ATRN: variants seen among roughly 807,000 people sequenced by gnomAD.
ATRN encodes attractin.
ATRN carries 54 observed loss-of-function variants against 178.7 expected under a neutral mutation model. The ratio of observed to expected loss-of-function variants is 0.30; its 90% CI spans 0.24 to 0.38. ATRN has a LOEUF of 0.38. Ranked by LOEUF, ATRN falls within the 10% of genes least tolerant of loss-of-function variation. The probability of loss-of-function intolerance (pLI) is 1.00; values close to 1 mark genes in which losing one functional copy is unlikely to be tolerated. For synonymous variants in ATRN, 636 were observed against 663.0 expected (o/e 0.96, Z 0.63); for missense variants, 1,443 against 1,815.1 (o/e 0.79, Z 3.73).
At chr20:3,485,610 G>GTTTTTTTTTTGTTTTTTTT (rs2084679875) in intron 1 of ATRN, among the ~76,000 whole-genome samples, 1 of 67,900 alleles carries the variant, frequency 1.5e-5, no homozygotes, top group African/African-American at 5.5e-5. Flanking sequence ...TTTTTTTGAG[G>GTTTTTTTTTTGTTTTTTTT]TTTTTTTTTT....
chr20:3,492,854 GGCGCGC>G (rs144765964), intron 1 of ATRN, among the ~76,000 whole-genome samples: 3 of 132,434 alleles, frequency 2.3e-5, no homozygotes, highest in African/African-American at 9.0e-5. Context: ...GAGAGAGAGA[GGCGCGC>G]GCGCGCGTGC....
intron 6 of ATRN, among the ~76,000 whole-genome samples, chr20:3,549,932 G>A (rs2085762911): frequency 2.0e-5 from 3 of 152,164 alleles, no homozygotes; most frequent in Admixed American, 1.3e-4. Context: ...CTGGAAATAT[G>A]GCAGTGGTGG....
chr20:3,629,266 G>C (rs865904444), intron 25 of ATRN: 2 of 985,344 alleles, frequency 2.0e-6, no homozygotes, highest in African/African-American at 3.5e-5. Flanking sequence ...CCTTCCTGTC[G>C]TATCTAAAAT....
In ATRN at chr20:3,644,218, T is replaced by C; in HGVS notation, c.4115T>C (p.Phe1372Ser). Residue 1372 changes from phenylalanine (F) to serine (S), a missense_variant, in exon 28 of 29, where the codon TTT becomes TCT. Coordinates refer to ENST00000262919, the MANE Select transcript of ATRN (RefSeq NM_139321.3). ...FGNKAAVLSV[F>S]VRLPRGLGGI... is the part of the protein sequence containing the mutation. ...AACAAAGCCGCTGTCCTCTCTGTGTTTGTGAGGCTCCCTCGAGGCCTGGGT... is the reference window on the plus strand; with the variant it reads ...AACAAAGCCGCTGTCCTCTCTGTGTCTGTGAGGCTCCCTCGAGGCCTGGGT... The C allele has an allele frequency of 6.2e-7, 1 of 1,614,202 alleles. No homozygotes were observed. Among genetic ancestry groups the C allele is most frequent in the Non-Finnish European group, 8.5e-7 (1 of 1,180,020 alleles).
chr20:3,611,088 G>C (rs1334485940), intron 24 of ATRN, among the ~76,000 whole-genome samples: 2 of 151,880 alleles, frequency 1.3e-5, no homozygotes, highest in Non-Finnish European at 2.9e-5. Context: ...AAAACTTTTA[G>C]AAAAAAATAT....
intron 1 of ATRN, among the ~76,000 whole-genome samples, chr20:3,521,785 T>C (rs2085300064): frequency 6.6e-6 from 1 of 152,098 alleles, no homozygotes; most frequent in African/African-American, 2.4e-5. Context: ...AAACCATATG[T>C]CATGTGTTCT....
intron 1 of ATRN, among the ~76,000 whole-genome samples, chr20:3,491,585 A>C (rs1054235509): frequency 6.6e-6 from 1 of 152,218 alleles, no homozygotes; most frequent in Non-Finnish European, 1.5e-5. Context: ...CCTGAAACTC[A>C]GATGTTCTTC....
At chr20:3,617,427 G>A (rs1032865641) in intron 24 of ATRN, among the ~76,000 whole-genome samples, 3 of 152,166 alleles carry the variant, frequency 2.0e-5, no homozygotes, top group African/African-American at 7.2e-5. Flanking sequence ...GATGAAACAA[G>A]GTTGGCCTTG....
intron 6 of ATRN, among the ~76,000 whole-genome samples, chr20:3,549,918 G>A (rs2085762670): frequency 6.6e-6 from 1 of 152,162 alleles, no homozygotes; most frequent in Admixed American, 6.5e-5. Flanking sequence ...TTCATTAAGG[G>A]ATTCTGGAAA....
intron 1 of ATRN, among the ~76,000 whole-genome samples, chr20:3,512,323 G>T (rs2085145839): frequency 7.2e-6 from 1 of 139,586 alleles, no homozygotes; most frequent in Admixed American, 7.8e-5. Context: ...TGTTCTCATT[G>T]TTCAATTCCC....
chr20:3,497,656 C>T (rs930504189), intron 1 of ATRN, among the ~76,000 whole-genome samples: 81 of 152,070 alleles, frequency 5.3e-4, no homozygotes, highest in East Asian at 5.8e-4. Flanking sequence ...TTGCTCTTTT[C>T]GAGGAGTATC....
At chr20:3,592,445 T>A (rs1275037043) in intron 19 of ATRN, 1 of 984,404 alleles carries the variant, frequency 1.0e-6, no homozygotes, top group African/African-American at 1.7e-5. Context: ...GTTTCCCCAT[T>A]TATGTCAAAT....
At chr20:3,607,534 T>G (rs1374421392) in intron 24 of ATRN, among the ~76,000 whole-genome samples, 1 of 152,224 alleles carries the variant, frequency 6.6e-6, no homozygotes, top group African/African-American at 2.4e-5. Flanking sequence ...CCATTCATGT[T>G]GCTGCAAAGG....
chr20:3,493,118 TTGTTTGTGTG>T (rs1568686081), intron 1 of ATRN, among the ~76,000 whole-genome samples: 1 of 42,876 alleles, frequency 2.3e-5, no homozygotes, highest in Non-Finnish European at 5.1e-5. Flanking sequence ...GTAGGTACGT[TTGTTTGTGTG>T]TGTGTGTGTG....
intron 23 of ATRN, among the ~76,000 whole-genome samples, chr20:3,603,127 G>A (rs2086634378): frequency 6.6e-6 from 1 of 152,084 alleles, no homozygotes; most frequent in African/African-American, 2.4e-5. Flanking sequence ...GGAGAATGTG[G>A]AACATTGAAG....
Position 3,512,075 on chromosome 20 carries a change from C to CT in ATRN, c.411-23172dup, listed in dbSNP as rs1164587158. ...GAAGGCCTGCACTGGGTTATGTGTT[C>CT]TTTTTTCTTTTATATATATATATAT... On this transcript the variant is annotated intron_variant, in intron 1 of 28. Transcript: ENST00000262919. Among the ~76,000 whole-genome samples the CT allele has an allele frequency of 3.1e-5, 3 of 96,304 alleles. No homozygotes were observed. The South Asian group carries it at 9.7e-4, about 31-fold the overall frequency. The allele number at this position is 96,304 out of a possible 152,430, so 63.2% of individuals were successfully genotyped here.
At chr20:3,506,005 G>A (rs1000189269) in intron 1 of ATRN, among the ~76,000 whole-genome samples, 8 of 152,140 alleles carry the variant, frequency 5.3e-5, no homozygotes, top group Non-Finnish European at 1.2e-4. Context: ...TGACTGTGGA[G>A]GTAGATCCTT....
At chr20:3,489,529 C>G in intron 1 of ATRN, 2 of 1,427,382 alleles carry the variant, frequency 1.4e-6, no homozygotes, top group African/African-American at 1.4e-5. Context: ...TCCCTGAGCA[C>G]TAGAGCAGTC....
At chr20:3,532,900 C>G (rs1009020076) in intron 1 of ATRN, among the ~76,000 whole-genome samples, 2 of 152,086 alleles carry the variant, frequency 1.3e-5, no homozygotes, top group Non-Finnish European at 2.9e-5. Context: ...GTAGCTGGGA[C>G]TACAGGCGCC....
Sources: allele counts gnomAD v4.1 joint callset (sites outside exome capture counted in the v4.1 genomes callset), GRCh38; gene constraint gnomAD v4.1.1; transcripts MANE v1.5; gene names NCBI Gene and HGNC (gene_info 2026-07-23, HGNC 2026-07-21).